MEI4: variants seen among roughly 807,000 people sequenced by gnomAD.
The protein encoded by MEI4 is meiotic double-stranded break formation protein 4, also known as meiosis-specific protein MEI4.
A neutral mutation model predicts 31.4 loss-of-function variants in MEI4; 27 were observed. The ratio of observed to expected loss-of-function variants is 0.86; its 90% CI spans 0.63 to 1.19. The LOEUF is 1.19. Among genes scored for constraint, MEI4 ranks in the 50% most tolerant of loss-of-function variants. MEI4 has a pLI of 0.00. For missense variants in MEI4, 329 were observed against 398.9 expected, an observed-to-expected ratio of 0.82 and a Z score of 1.49; for synonymous variants, 122 against 145.4, an observed-to-expected ratio of 0.84 and a Z score of 1.16.
At chr6:77,694,456 C>T (rs574266571) in intron 2 of MEI4, among the ~76,000 whole-genome samples, 2 of 147,408 alleles carry the variant, frequency 1.4e-5, no homozygotes, top group East Asian at 4.1e-4. Flanking sequence ...TGTTCCCCTT[C>T]CTGTGTCCAT....
chr6:77,655,772 T>TACTAA (rs1768382981), intron 1 of MEI4, among the ~76,000 whole-genome samples: 4 of 152,296 alleles, frequency 2.6e-5, no homozygotes, highest in African/African-American at 9.6e-5. Flanking sequence ...ATGACAGACG[T>TACTAA]CAGTAGACTC....
intron 4 of MEI4, among the ~76,000 whole-genome samples, chr6:77,871,710 AT>A (rs201829812): frequency 3.4e-4 from 52 of 152,074 alleles, no homozygotes; most frequent in Non-Finnish European, 1.8e-4. Context: ...AGTTGAAATT[AT>A]TTTTAAAAAA....
intron 3 of MEI4, among the ~76,000 whole-genome samples, chr6:77,792,682 T>A (rs1768968909): frequency 6.6e-6 from 1 of 152,080 alleles, no homozygotes; most frequent in Admixed American, 6.6e-5. Context: ...CTAATTTTAT[T>A]GTTTTGCATG....
At chr6:77,846,909 T>A (rs938242267) in intron 4 of MEI4, among the ~76,000 whole-genome samples, 1 of 152,166 alleles carries the variant, frequency 6.6e-6, no homozygotes, top group Non-Finnish European at 1.5e-5. Flanking sequence ...TCTAGGAGAA[T>A]TTTTTTAGGC....
At chr6:77,797,450 C>T (rs1477837576) in intron 3 of MEI4, among the ~76,000 whole-genome samples, 2 of 152,024 alleles carry the variant, frequency 1.3e-5, no homozygotes, top group Non-Finnish European at 2.9e-5. Flanking sequence ...TTGGCTTACA[C>T]GATCATAAGG....
At chr6:77,797,995 A>T (rs1407780352) in intron 3 of MEI4, among the ~76,000 whole-genome samples, 1 of 152,182 alleles carries the variant, frequency 6.6e-6, no homozygotes, top group Non-Finnish European at 1.5e-5. Flanking sequence ...TGTTCGAATG[A>T]CTACATTGTT....
Position 77,674,304 on chromosome 6 carries a change from G to A in MEI4, c.-14-16354G>A, listed in dbSNP as rs867112187. ...TTAAATATGTGTATTATAAAAAAGC[G>A]CAACAAAATGCAGTCATGTACCACA... On this transcript the variant is annotated intron_variant, in intron 1 of 4. Coordinates refer to ENST00000684080, the MANE Select transcript of MEI4 (RefSeq NM_001322247.2). Among the ~76,000 whole-genome samples, 7 of 152,040 alleles carry A rather than the reference G, an allele frequency of 4.6e-5. No individual in the cohort carries two copies. In the East Asian group the frequency reaches 5.8e-4, roughly 13 times the overall value.
chr6:77,876,121 C>T (rs184884814), intron 4 of MEI4, among the ~76,000 whole-genome samples: 2 of 152,268 alleles, frequency 1.3e-5, no homozygotes, highest in East Asian at 3.9e-4. Flanking sequence ...GTTTCTTTAT[C>T]TATATGATAG....
chr6:77,688,906 C>T (rs1259218920), intron 1 of MEI4, among the ~76,000 whole-genome samples: 1 of 151,940 alleles, frequency 6.6e-6, no homozygotes, highest in African/African-American at 2.4e-5. Flanking sequence ...GAGGATGATC[C>T]AGGGAGTGAA....
intron 4 of MEI4, among the ~76,000 whole-genome samples, chr6:77,899,288 C>G (rs1766143106): frequency 6.6e-6 from 1 of 151,944 alleles, no homozygotes; most frequent in Admixed American, 6.6e-5. Context: ...CCACCTGGAA[C>G]AAAACTGGAG....
At chr6:77,794,504 A>T (rs988375560) in intron 3 of MEI4, among the ~76,000 whole-genome samples, 1 of 152,188 alleles carries the variant, frequency 6.6e-6, no homozygotes, top group Non-Finnish European at 1.5e-5. Context: ...CAGAGCTTGC[A>T]GTGAGCCGGA....
chr6:77,743,328 G>T (rs945612310), intron 2 of MEI4, among the ~76,000 whole-genome samples: 29 of 152,176 alleles, frequency 1.9e-4, no homozygotes, highest in African/African-American at 6.3e-4. Context: ...CCTTGAAGAG[G>T]TCCTTCACAT....
At chr6:77,868,981 G>A (rs924553785) in intron 4 of MEI4, among the ~76,000 whole-genome samples, 4 of 151,982 alleles carry the variant, frequency 2.6e-5, no homozygotes, top group Non-Finnish European at 5.9e-5. Flanking sequence ...CTTTCATCTG[G>A]ATCCATCTCT....
chr6:77,746,147 A>G (rs1322611416), intron 2 of MEI4, among the ~76,000 whole-genome samples: 1 of 152,220 alleles, frequency 6.6e-6, no homozygotes, highest in East Asian at 1.9e-4. Context: ...AAATAGAGAC[A>G]CAAAAAACCC....
In MEI4 at chr6:77,923,726, G is replaced by GAAAGAGATTTTTA. The variant is rs1554181968; in HGVS notation, c.*382_*383insAGAGATTTTTAAA. ...GTAATCAAAGAAAGAGATTTTTAAA[G>GAAAGAGATTTTTA]AAGTTTAGTTGCATTATCAACACAA... On this transcript the variant is annotated 3_prime_UTR_variant, in exon 5 of 5. Coordinates refer to ENST00000684080, the MANE Select transcript of MEI4 (RefSeq NM_001322247.2). 2 of 11,288 alleles carry GAAAGAGATTTTTA rather than the reference G, an allele frequency of 1.8e-4. No homozygotes were observed. Among genetic ancestry groups the GAAAGAGATTTTTA allele is most frequent in the Non-Finnish European group, 2.4e-4 (2 of 8,208 alleles). The allele number at this position is 11,288 out of a possible 1,614,324, so 0.7% of individuals were successfully genotyped here.
At chr6:77,841,701 T>C (rs1315865422) in intron 4 of MEI4, among the ~76,000 whole-genome samples, 1 of 152,028 alleles carries the variant, frequency 6.6e-6, no homozygotes, top group Non-Finnish European at 1.5e-5. Context: ...CAAAAAATAA[T>C]TAAAGTGGAA....
chr6:77,766,275 G>A (rs1382318768), intron 3 of MEI4, among the ~76,000 whole-genome samples: 1 of 152,092 alleles, frequency 6.6e-6, no homozygotes, highest in African/African-American at 2.4e-5. Flanking sequence ...GTGCTATGTT[G>A]CATCTCTGAT....
intron 1 of MEI4, among the ~76,000 whole-genome samples, chr6:77,668,779 T>G (rs184660809): frequency 7.5e-4 from 115 of 152,340 alleles, no homozygotes; most frequent in Admixed American, 1.8e-3. Context: ...GCTATTGTTT[T>G]GAAAGTAATC....
Position 77,820,075 on chromosome 6 carries a change from A to G in MEI4, c.769-8856A>G, listed in dbSNP as rs1335199852. Among the ~76,000 whole-genome samples, 3 of 151,944 alleles carry G rather than the reference A, an allele frequency of 2.0e-5. No individual in the cohort carries two copies. The highest frequency in any genetic ancestry group is 1.9e-4 in the East Asian group (1 of 5,172). ...TTTTTTTCTGAATGGTTTTCCTTCT[A>G]TCACTGTGTACTTGGCAGTGTCAGT... On this transcript the variant is annotated intron_variant, in intron 3 of 4. Coordinates refer to ENST00000684080, the MANE Select transcript of MEI4 (RefSeq NM_001322247.2). This position sits in a 1 kb window ranked among gnomAD's most constrained non-coding sequence, Gnocchi z 4.5.
Sources: gnomAD v4.1 joint callset for allele counts (sites outside exome capture counted in the v4.1 genomes callset) on GRCh38, gnomAD v4.1.1 for gene constraint, Gnocchi (gnomAD v3.1) non-coding constraint, MANE v1.5 for transcripts, NCBI Gene and HGNC (gene_info 2026-07-23, HGNC 2026-07-21) for gene names.